The following PRIM2 variants were observed in gnomAD, a reference collection of about 807,000 sequenced individuals.
PRIM2 encodes the protein DNA primase large subunit.
Under a neutral mutation model 67.3 loss-of-function variants are expected in PRIM2, and 39 were observed. That is an observed-to-expected ratio of 0.58 (90% CI 0.45 to 0.76). The LOEUF (loss-of-function observed/expected upper bound fraction) is 0.76, where lower values mean the gene tolerates loss of function less well. Ranked by LOEUF, PRIM2 falls within the 30% of genes least tolerant of loss-of-function variation. The probability of loss-of-function intolerance (pLI) is 0.00; values close to 1 mark genes in which losing one functional copy is unlikely to be tolerated. For missense variants in PRIM2, 398 were observed against 598.7 expected, an observed-to-expected ratio of 0.66 and a Z score of 3.50; for synonymous variants, 143 against 198.7, an observed-to-expected ratio of 0.72 and a Z score of 2.36.
chr6:57,644,589 G>A, intron 13 of PRIM2, among the ~76,000 whole-genome samples: 1 of 152,150 alleles, frequency 6.6e-6, no homozygotes, highest in Non-Finnish European at 1.5e-5. Context: ...AATTAAATAT[G>A]CAAAATTATC....
chr6:57,301,385 G>A, the PRIM2 span, among the ~76,000 whole-genome samples: 1 of 152,164 alleles, frequency 6.6e-6, no homozygotes, highest in Non-Finnish European at 1.5e-5. Flanking sequence ...TACTCGGTAG[G>A]CTGCGGCAGG....
intron 10 of PRIM2, among the ~76,000 whole-genome samples, chr6:57,545,821 A>G (rs1775278377): frequency 6.6e-6 from 1 of 152,188 alleles, no homozygotes; most frequent in African/African-American, 2.4e-5. Flanking sequence ...GAAAGAAGGG[A>G]ATTTCATGTT....
the PRIM2 span, among the ~76,000 whole-genome samples, chr6:57,233,047 T>G: frequency 6.6e-6 from 1 of 152,244 alleles, no homozygotes; most frequent in Non-Finnish European, 1.5e-5. Context: ...TTCTCTAGTT[T>G]CCATGCAAAC....
intron 4 of PRIM2, among the ~76,000 whole-genome samples, chr6:57,324,845 C>G (rs1767792761): frequency 6.6e-6 from 1 of 152,042 alleles, no homozygotes; most frequent in South Asian, 2.1e-4. Flanking sequence ...ATAAGCTTAT[C>G]AAGTGAGACT....
At chr6:57,382,447 CT>C in intron 7 of PRIM2, 1 of 261,116 alleles carries the variant, frequency 3.8e-6, no homozygotes, top group Non-Finnish European at 7.2e-6. Context: ...ATGGTCATGT[CT>C]TTTTTCCTTA....
At position 57,369,153 on chromosome 6, in the gene PRIM2, A is replaced by G. The variant is rs377191422; in HGVS notation, c.460-10748A>G. Among the ~76,000 whole-genome samples the G allele has an allele frequency of 3.6e-3, 555 of 152,338 alleles. 2 individuals carry two copies. Among genetic ancestry groups the G allele is most frequent in the African/African-American group, 0.012 (512 of 41,570 alleles). On this transcript the variant is annotated intron_variant, in intron 5 of 13. Coordinates refer to ENST00000615550, the MANE Select transcript of PRIM2 (RefSeq NM_000947.5). ...CTCAGTACAGGGTGAATAGCGATAC[A>G]GTCTACACAGACATCCACTACCCTT...
the PRIM2 span, among the ~76,000 whole-genome samples, chr6:57,307,644 T>C: frequency 6.6e-6 from 1 of 152,176 alleles, no homozygotes; most frequent in Non-Finnish European, 1.5e-5. Flanking sequence ...AATATGTTAC[T>C]GTCTCTAGGT....
chr6:57,295,143 T>A, the PRIM2 span, among the ~76,000 whole-genome samples: 1 of 152,180 alleles, frequency 6.6e-6, no homozygotes, highest in African/African-American at 2.4e-5. Flanking sequence ...AAGGATATGT[T>A]ACTTCTAGAA....
At chr6:57,338,476 C>T (rs1009381011) in intron 5 of PRIM2, among the ~76,000 whole-genome samples, 7 of 150,376 alleles carry the variant, frequency 4.7e-5, no homozygotes, top group Non-Finnish European at 5.9e-5. Flanking sequence ...ACTGGCAAAC[C>T]GAATCCAGCA....
chr6:57,346,025 A>T (rs1233089735), intron 5 of PRIM2, among the ~76,000 whole-genome samples: 1 of 152,184 alleles, frequency 6.6e-6, no homozygotes, highest in Non-Finnish European at 1.5e-5. Context: ...ACCAGAGGTC[A>T]CTTTTGTGGC....
chr6:57,561,467 A>G (rs1775628308), intron 10 of PRIM2, among the ~76,000 whole-genome samples: 1 of 152,184 alleles, frequency 6.6e-6, no homozygotes, highest in East Asian at 1.9e-4. Flanking sequence ...TCCTGAGCTC[A>G]GGCAATCCGT....
At chr6:57,322,187 A>G (rs1192098820) in intron 3 of PRIM2, among the ~76,000 whole-genome samples, 1 of 152,210 alleles carries the variant, frequency 6.6e-6, no homozygotes. Context: ...ACTTGTACAT[A>G]TATGACAGGA....
At chr6:57,440,171 T>C (rs534785597) in intron 7 of PRIM2, among the ~76,000 whole-genome samples, 3 of 151,520 alleles carry the variant, frequency 2.0e-5, no homozygotes, top group African/African-American at 7.3e-5. Flanking sequence ...AATTGTATTA[T>C]ATTTTATTTT....
chr6:57,584,233 T>C (rs1776151105), intron 10 of PRIM2, among the ~76,000 whole-genome samples: 5 of 152,212 alleles, frequency 3.3e-5, no homozygotes, highest in Admixed American at 2.6e-4. Context: ...CTGAGTCTAT[T>C]TGGGTATACT....
the PRIM2 span, among the ~76,000 whole-genome samples, chr6:57,235,125 T>C: frequency 6.6e-6 from 1 of 152,124 alleles, no homozygotes; most frequent in Non-Finnish European, 1.5e-5. Context: ...TACTCCAGCC[T>C]GGGTGACAGA....
At chr6:57,229,417 T>A in the PRIM2 span, among the ~76,000 whole-genome samples, 2 of 152,136 alleles carry the variant, frequency 1.3e-5, no homozygotes, top group East Asian at 3.8e-4. Context: ...AAATTTCTTT[T>A]CTCCTGTAGT....
At chr6:57,548,667 A>C (rs1241808073) in intron 10 of PRIM2, among the ~76,000 whole-genome samples, 43 of 152,288 alleles carry the variant, frequency 2.8e-4, no homozygotes, top group Admixed American at 1.2e-3. Context: ...TGCTTAGTAA[A>C]ATTTGTTGAA....
At chr6:57,555,264 A>G (rs1324277297) in intron 10 of PRIM2, among the ~76,000 whole-genome samples, 128 of 151,540 alleles carry the variant, frequency 8.4e-4, no homozygotes, top group African/African-American at 2.3e-3. Context: ...TATGTCTGGC[A>G]CTTTGTGTAA....
At chr6:57,550,263 T>C (rs1775373981) in intron 10 of PRIM2, among the ~76,000 whole-genome samples, 1 of 152,228 alleles carries the variant, frequency 6.6e-6, no homozygotes, top group African/African-American at 2.4e-5. Flanking sequence ...TATTTTGGTG[T>C]ATAATAAAGA....
Sources: allele counts gnomAD v4.1 joint callset (sites outside exome capture counted in the v4.1 genomes callset), GRCh38; gene constraint gnomAD v4.1.1; transcripts MANE v1.5; gene names NCBI Gene and HGNC (gene_info 2026-07-23, HGNC 2026-07-21).